GALNT14: variants seen among roughly 807,000 people sequenced by gnomAD.
GALNT14 encodes the protein polypeptide N-acetylgalactosaminyltransferase 14, also known as UDP-GalNAc:polypeptide N-acetylgalactosaminyltransferase 14.
GALNT14 carries 60 observed loss-of-function variants against 77.5 expected under a neutral mutation model. The observed-to-expected ratio is 0.77, with a 90% CI of 0.63 to 0.96. The LOEUF is 0.96. Among genes scored for constraint, GALNT14 ranks in the 40% least tolerant of loss-of-function variants. The pLI, the probability that GALNT14 is intolerant of heterozygous loss-of-function variation, is 0.00. For synonymous variants in GALNT14, 280 were observed against 281.7 expected, an observed-to-expected ratio of 0.99 and a Z score of 0.06; for missense variants, 710 against 731.0, an observed-to-expected ratio of 0.97 and a Z score of 0.33.
At chr2:31,044,975 T>C (rs1673343866) in intron 1 of GALNT14, among the ~76,000 whole-genome samples, 1 of 151,546 alleles carries the variant, frequency 6.6e-6, no homozygotes, top group South Asian at 2.1e-4. Context: ...TCAAACCAGC[T>C]ACGTTCACAG....
intron 2 of GALNT14, among the ~76,000 whole-genome samples, chr2:30,973,195 C>T (rs1287125409): frequency 6.6e-6 from 1 of 152,142 alleles, no homozygotes; most frequent in Non-Finnish European, 1.5e-5. Flanking sequence ...GCTCTCTGTC[C>T]CCATGGAGGT....
intron 1 of GALNT14, among the ~76,000 whole-genome samples, chr2:31,022,568 A>C (rs993593159): frequency 5.9e-5 from 9 of 152,014 alleles, no homozygotes; most frequent in Admixed American, 2.6e-4. Flanking sequence ...ACGTCTTCCC[A>C]CTTAGCACAT....
At chr2:31,132,443 C>T (rs1679041179) in intron 1 of GALNT14, among the ~76,000 whole-genome samples, 1 of 152,152 alleles carries the variant, frequency 6.6e-6, no homozygotes, top group Admixed American at 6.5e-5. Flanking sequence ...ACCACCCAGA[C>T]ACCTGCTCCT....
chr2:31,003,524 G>A (rs1380578435), intron 1 of GALNT14, among the ~76,000 whole-genome samples: 1 of 152,142 alleles, frequency 6.6e-6, no homozygotes, highest in Non-Finnish European at 1.5e-5. Flanking sequence ...TCCCTCTTTA[G>A]TGTGGGAGTC....
At chr2:31,125,656 T>C (rs570338299) in intron 1 of GALNT14, among the ~76,000 whole-genome samples, 8 of 152,234 alleles carry the variant, frequency 5.3e-5, no homozygotes, top group Non-Finnish European at 7.3e-5. Flanking sequence ...GCAGCTTATT[T>C]ATGGTTAATA....
intron 1 of GALNT14, among the ~76,000 whole-genome samples, chr2:31,044,328 C>G (rs912967043): frequency 6.6e-6 from 1 of 152,210 alleles, no homozygotes; most frequent in Admixed American, 6.5e-5. Flanking sequence ...ATAGAGCTTT[C>G]TTTCCCTGAA....
chr2:31,098,640 T>C lies in GALNT14; in HGVS notation c.129+39318A>G, dbSNP rs573292541. 2.9e-4 allele frequency among the ~76,000 whole-genome samples: 44 copies of C among 152,134 alleles called. 1 individual carries two copies. In the South Asian group the frequency reaches 7.3e-3, roughly 25 times the overall value. Reference sequence around the variant, plus strand: ...AAATGCGGTTGACCCTTGAGCAGTGTGGGGGTTAGGGGAATCAATCTCCTG... The same window carrying C: ...AAATGCGGTTGACCCTTGAGCAGTGCGGGGGTTAGGGGAATCAATCTCCTG... On this transcript the variant is annotated intron_variant, in intron 1 of 14. Coordinates refer to ENST00000349752, the MANE Select transcript of GALNT14 (RefSeq NM_024572.4).
intron 1 of GALNT14, among the ~76,000 whole-genome samples, chr2:31,044,948 C>T (rs4494794): frequency 0.74 from 112,078 of 151,290 alleles, 41,774 homozygotes; most frequent in East Asian, 0.99. Context: ...GTAGCAGATC[C>T]GTCAGGCATG....
intron 1 of GALNT14, among the ~76,000 whole-genome samples, chr2:31,103,295 T>C (rs78819308): frequency 2.0e-3 from 297 of 152,204 alleles, no homozygotes; most frequent in African/African-American, 5.7e-3. Flanking sequence ...TTAACCTATG[T>C]CTCTAGACAA....
the GALNT14 span, among the ~76,000 whole-genome samples, chr2:30,898,669 C>G: frequency 6.6e-6 from 1 of 152,150 alleles, no homozygotes; most frequent in African/African-American, 2.4e-5. Flanking sequence ...TGGGGCATGT[C>G]AATCAAAGTG....
chr2:30,943,509 G>C (rs964933421), intron 8 of GALNT14, among the ~76,000 whole-genome samples: 2 of 152,198 alleles, frequency 1.3e-5, no homozygotes, highest in African/African-American at 4.8e-5. Flanking sequence ...TGGGAAACAA[G>C]TGCCCTCTGA....
At chr2:30,924,337 G>A (rs1665222981) in intron 12 of GALNT14, 74 bp from the exon 13 acceptor site, 11 of 1,520,894 alleles carry the variant, frequency 7.2e-6, no homozygotes, top group Non-Finnish European at 1.0e-5. Context: ...TGGAGAGGGT[G>A]GGCAGTGTTC....
intron 1 of GALNT14, chr2:31,132,564 G>A: frequency 5.2e-6 from 2 of 382,802 alleles, no homozygotes; most frequent in South Asian, 4.0e-5. Context: ...TCATGCCAGA[G>A]TCACACTGAA....
At chr2:30,966,645 G>A (rs561026746) in intron 2 of GALNT14, among the ~76,000 whole-genome samples, 29 of 152,228 alleles carry the variant, frequency 1.9e-4, no homozygotes, top group African/African-American at 6.7e-4. Context: ...ACCCCAAGTC[G>A]GGCTCTGCTT....
At chr2:31,100,431 GA>G (rs1442660125) in intron 1 of GALNT14, among the ~76,000 whole-genome samples, 1 of 151,924 alleles carries the variant, frequency 6.6e-6, no homozygotes, top group Non-Finnish European at 1.5e-5. Flanking sequence ...TTAGTTTATG[GA>G]ATTCTTTTAT....
intron 6 of GALNT14, among the ~76,000 whole-genome samples, chr2:30,947,272 G>A (rs537116043): frequency 6.6e-6 from 1 of 152,036 alleles, no homozygotes; most frequent in African/African-American, 2.4e-5. Flanking sequence ...AACTTTAACT[G>A]CCTCTAAGAC....
chr2:31,092,686 A>G lies in GALNT14; in HGVS notation c.129+45272T>C, dbSNP rs560793594. On this transcript the variant is annotated intron_variant, in intron 1 of 14. Transcript: ENST00000349752. ...CCCATTTCAGTCAATATAAAAAATC[A>G]TCTTCAGCTGTCTGAGCTGTTTCAG... Among the ~76,000 whole-genome samples the G allele has an allele frequency of 2.0e-5, 3 of 152,284 alleles. 1 individual carries two copies. In the South Asian group the frequency reaches 6.2e-4, roughly 32 times the overall value.
the GALNT14 span, among the ~76,000 whole-genome samples, chr2:30,894,335 T>A: frequency 6.6e-6 from 1 of 152,220 alleles, no homozygotes; most frequent in Admixed American, 6.5e-5. Context: ...TCTAAAGTTG[T>A]TTTAAAAATG....
intron 11 of GALNT14, 63 bp from the exon 12 acceptor site, chr2:30,924,886 A>G (rs946240437): frequency 3.7e-6 from 5 of 1,360,796 alleles, no homozygotes; most frequent in Non-Finnish European, 4.2e-6. Flanking sequence ...GGCAGGCGCC[A>G]GCAACGCCAG....
Sources: allele counts gnomAD v4.1 joint callset (sites outside exome capture counted in the v4.1 genomes callset), GRCh38; gene constraint gnomAD v4.1.1; transcripts MANE v1.5; gene names NCBI Gene and HGNC (gene_info 2026-07-23, HGNC 2026-07-21).